SARDH: variants seen among roughly 807,000 people sequenced by gnomAD.
SARDH encodes the protein sarcosine dehydrogenase, mitochondrial.
Under a neutral mutation model 109.1 loss-of-function variants are expected in SARDH, and 95 were observed. That is an observed-to-expected ratio of 0.87 (90% CI 0.74 to 1.03). The LOEUF is 1.03. SARDH is among the 50% of genes least tolerant of loss of function. SARDH has a pLI of 0.00. For missense variants in SARDH, 1,267 were observed against 1,287.8 expected, an observed-to-expected ratio of 0.98 and a Z score of 0.25; for synonymous variants, 572 against 534.8, an observed-to-expected ratio of 1.07 and a Z score of -0.96.
chr9:133,726,394 A>ATAATAATAGTAG (rs59172198), intron 6 of SARDH, among the ~76,000 whole-genome samples: 13 of 132,336 alleles, frequency 9.8e-5, no homozygotes, highest in African/African-American at 3.0e-4. Context: ...AATAATAATA[A>ATAATAATAGTAG]TAGTAGTAGT....
intron 16 of SARDH, among the ~76,000 whole-genome samples, chr9:133,689,531 C>T (rs529373084): frequency 1.3e-5 from 2 of 152,264 alleles, no homozygotes; most frequent in African/African-American, 4.8e-5. Flanking sequence ...GGGACGCATC[C>T]CCATCAGCCC....
chr9:133,701,992 C>A (rs373070266), intron 13 of SARDH, among the ~76,000 whole-genome samples: 6 of 152,352 alleles, frequency 3.9e-5, no homozygotes, highest in African/African-American at 1.2e-4. Context: ...CTACCCAAGC[C>A]GGACTTGCGA....
Position 133,670,792 on chromosome 9 carries a change from G to A in SARDH, c.2327-40C>T, listed in dbSNP as rs756885863. 5.9e-6 allele frequency: 9 copies of A among 1,525,860 alleles called. No homozygotes were observed. The African/African-American group carries it at 7.0e-5, about 12-fold the overall frequency. The allele number at this position is 1,525,860 out of a possible 1,614,324, so 94.5% of individuals were successfully genotyped here. On this transcript the variant is annotated intron_variant, in intron 18 of 20. Transcript: ENST00000439388. ...TCCATGGGGTCGGTGCCACCCTGAGGGGGATAAGCCCTTCAGGAGATGCAT... is the reference window on the plus strand; with the variant it reads ...TCCATGGGGTCGGTGCCACCCTGAGAGGGATAAGCCCTTCAGGAGATGCAT...
intron 8 of SARDH, among the ~76,000 whole-genome samples, chr9:133,715,354 G>A (rs993298392): frequency 3.3e-5 from 5 of 152,280 alleles, no homozygotes; most frequent in East Asian, 1.9e-4. Flanking sequence ...ACAGAGAGAC[G>A]CCTGGGGTTA....
intron 17 of SARDH, among the ~76,000 whole-genome samples, chr9:133,673,170 G>A (rs577949061): frequency 6.6e-5 from 10 of 152,374 alleles, no homozygotes; most frequent in Admixed American, 1.3e-4. Flanking sequence ...ACTCGGCTGC[G>A]TGGAGGCCAC....
At chr9:133,680,301 A>G (rs129940) in intron 17 of SARDH, among the ~76,000 whole-genome samples, 15,597 of 147,374 alleles carry the variant, frequency 0.11, 1,239 homozygotes, top group African/African-American at 0.23. Context: ...CTTGGGTAAC[A>G]TGGATGCTTT....
At chr9:133,715,929 G>T (rs1407966481) in intron 8 of SARDH, among the ~76,000 whole-genome samples, 4 of 152,208 alleles carry the variant, frequency 2.6e-5, no homozygotes, top group Non-Finnish European at 5.9e-5. Flanking sequence ...GTTTCCCTGG[G>T]GGCAACACTG....
At chr9:133,714,752 C>G (rs940589364) in intron 8 of SARDH, among the ~76,000 whole-genome samples, 2 of 152,154 alleles carry the variant, frequency 1.3e-5, no homozygotes, top group Non-Finnish European at 2.9e-5. Flanking sequence ...TGCTCTGCAG[C>G]CTGGGCAACA....
Position 133,708,280 on chromosome 9 carries a change from G to C in SARDH, c.1470+7C>G. On this transcript the variant is annotated splice_region_variant and intron_variant, in intron 11 of 20. Coordinates refer to ENST00000439388, the MANE Select transcript of SARDH (RefSeq NM_001134707.2). ...CCAGTCCCCAGCAGGAGCTGTAGGG[G>C]CGTTACCTCGTGCAGCGGGTCTCTC... 6.2e-7 allele frequency: 1 copy of C among 1,611,158 alleles called. No individual in the cohort carries two copies. Among genetic ancestry groups the C allele is most frequent in the East Asian group, 2.2e-5 (1 of 44,800 alleles).
intron 2 of SARDH, among the ~76,000 whole-genome samples, chr9:133,733,576 G>A (rs1028793539): frequency 2.6e-5 from 4 of 152,212 alleles, no homozygotes; most frequent in Non-Finnish European, 5.9e-5. Flanking sequence ...CTGGACAGCT[G>A]CCTGGAGTTT....
rs767220599 is a variant in SARDH at position 133,686,499 on chromosome 9, G to A, written c.2070-1213C>T. Among the ~76,000 whole-genome samples, 3 of 152,108 alleles carry A rather than the reference G, an allele frequency of 2.0e-5. No individual in the cohort carries two copies. The highest frequency in any genetic ancestry group is 4.4e-5 in the Non-Finnish European group (3 of 67,996). ...AGATCCCACAGTCTCCTGCCAGGGTGTCTCTCACATTGGTTGTACCCACCC... is the reference window on the plus strand; with the variant it reads ...AGATCCCACAGTCTCCTGCCAGGGTATCTCTCACATTGGTTGTACCCACCC... On this transcript the variant is annotated intron_variant, in intron 16 of 20. Coordinates refer to ENST00000439388, the MANE Select transcript of SARDH (RefSeq NM_001134707.2). This position sits in a 1 kb window ranked among gnomAD's most constrained non-coding sequence, Gnocchi z 4.0.
chr9:133,699,160 A>G (rs1410956713), intron 13 of SARDH, among the ~76,000 whole-genome samples: 1 of 152,190 alleles, frequency 6.6e-6, no homozygotes, highest in Non-Finnish European at 1.5e-5. Flanking sequence ...CAGCCTGACC[A>G]ACATGGAGAA....
rs1476531425 is a variant in SARDH, at chr9:133,718,953, G to A, written c.1005C>T (p.Pro335=). The change falls in exon 7 of 21, where the codon CCC becomes CCT. Residue 335 remains proline, a synonymous_variant. Coordinates refer to ENST00000439388, the MANE Select transcript of SARDH (RefSeq NM_001134707.2). The surrounding 1 kb of genome is among the most constrained non-coding windows in gnomAD (Gnocchi z 4.2). ...ALSVGGYEAN[P]IFWEEVSDKF... is the part of the protein sequence containing the mutation. ...GGCATCTTACCTCCTCCCAAAAGATGGGGTTGGCCTCATAGCCACCCACAG... is the reference window on the plus strand; with the variant it reads ...GGCATCTTACCTCCTCCCAAAAGATAGGGTTGGCCTCATAGCCACCCACAG... The A allele has an allele frequency of 6.2e-7, 1 of 1,613,738 alleles. No individual in the cohort carries two copies. Among genetic ancestry groups the A allele is most frequent in the Non-Finnish European group, 8.5e-7 (1 of 1,179,664 alleles).
At chr9:133,722,283 CA>C (rs1474264911) in intron 6 of SARDH, among the ~76,000 whole-genome samples, 5 of 146,000 alleles carry the variant, frequency 3.4e-5, no homozygotes, top group African/African-American at 1.3e-4. Context: ...AAGCATTTGA[CA>C]GAATCCAACA....
rs780290472 is a variant in SARDH at position 133,694,416 on chromosome 9, C to T, written c.1808-45G>A. The T allele has an allele frequency of 1.2e-5, 17 of 1,474,928 alleles. No homozygotes were observed. The Admixed American group carries it at 1.2e-4, about 10-fold the overall frequency. The allele number at this position is 1,474,928 out of a possible 1,614,324, so 91.4% of individuals were successfully genotyped here. A position where few individuals can be genotyped will look rare whatever the true frequency, so the allele number is the denominator to read the frequency against. ...GCCGGGTCTGTGCTGAGGCCCCAGC[C>T]GGGTCTGTGCTGCCTCAGTTTCCCC... On this transcript the variant is annotated intron_variant, in intron 14 of 20. Transcript: ENST00000439388.
At chr9:133,683,061 T>C (rs1830756322) in intron 17 of SARDH, among the ~76,000 whole-genome samples, 1 of 152,156 alleles carries the variant, frequency 6.6e-6, no homozygotes. Flanking sequence ...GCCTGGCCTG[T>C]TCCTCTGGGG....
intron 10 of SARDH, among the ~76,000 whole-genome samples, chr9:133,710,127 C>T (rs1831860054): frequency 6.6e-6 from 1 of 152,212 alleles, no homozygotes; most frequent in Admixed American, 6.5e-5. Flanking sequence ...AAGGAATTTC[C>T]CTGAAAAAAC....
At chr9:133,699,253 G>A (rs1831395529) in intron 13 of SARDH, among the ~76,000 whole-genome samples, 2 of 151,870 alleles carry the variant, frequency 1.3e-5, no homozygotes, top group South Asian at 4.2e-4. Context: ...GGCTGAGGCA[G>A]GATAATTACT....
At chr9:133,673,519 T>C (rs1367287413) in intron 17 of SARDH, among the ~76,000 whole-genome samples, 2 of 152,218 alleles carry the variant, frequency 1.3e-5, no homozygotes, top group African/African-American at 2.4e-5. Context: ...CAGGGGCAGC[T>C]CCTTATAAAC....
Sources: allele counts gnomAD v4.1 joint callset (sites outside exome capture counted in the v4.1 genomes callset), GRCh38; gene constraint gnomAD v4.1.1; non-coding constraint Gnocchi (gnomAD v3.1); transcripts MANE v1.5; gene names NCBI Gene and HGNC (gene_info 2026-07-23, HGNC 2026-07-21).